The following MCM10 variants were observed in gnomAD, a reference collection of about 807,000 sequenced individuals.
The protein encoded by MCM10 is minichromosome maintenance 10 replication initiation factor.
MCM10 carries 91 observed loss-of-function variants against 109.9 expected under a neutral mutation model. The ratio of observed to expected loss-of-function variants is 0.83; its 90% confidence interval spans 0.70 to 0.99. MCM10 has a LOEUF of 0.99. MCM10 is among the 50% of genes least tolerant of loss of function. The pLI is 0.00. For missense variants in MCM10, 1,077 were observed against 1,061.2 expected, an observed-to-expected ratio of 1.01 and a Z score of -0.21; for synonymous variants, 380 against 387.2, an observed-to-expected ratio of 0.98 and a Z score of 0.22.
At chr10:13,196,248 T>C (rs1006682310) in intron 14 of MCM10, among the ~76,000 whole-genome samples, 9 of 152,140 alleles carry the variant, frequency 5.9e-5, no homozygotes, top group African/African-American at 1.9e-4. Flanking sequence ...TCCAGTCCCA[T>C]GACAGGTGAA....
At chr10:13,205,250 T>A (rs1339368434) in intron 18 of MCM10, among the ~76,000 whole-genome samples, 1 of 152,014 alleles carries the variant, frequency 6.6e-6, no homozygotes, top group Non-Finnish European at 1.5e-5. Flanking sequence ...ATACACATGT[T>A]AGCTTCCATT....
intron 6 of MCM10, 105 bp from the exon 7 acceptor site, chr10:13,180,337 G>A (rs1014129673): frequency 1.2e-6 from 1 of 854,356 alleles, no homozygotes; most frequent in Non-Finnish European, 1.8e-6. Flanking sequence ...CCAAGAACAG[G>A]TACTGTAGAG....
intron 13 of MCM10, among the ~76,000 whole-genome samples, chr10:13,193,538 G>A (rs1340594279): frequency 6.6e-6 from 1 of 152,178 alleles, no homozygotes; most frequent in Non-Finnish European, 1.5e-5. Context: ...CACATGTTGT[G>A]CTCTGGTGCT....
At chr10:13,163,483 G>T (rs1023157754) in intron 1 of MCM10, among the ~76,000 whole-genome samples, 3 of 152,172 alleles carry the variant, frequency 2.0e-5, no homozygotes, top group African/African-American at 7.2e-5. Context: ...GAAAAGAGAA[G>T]TGCACAAAGT....
intron 14 of MCM10, among the ~76,000 whole-genome samples, chr10:13,197,175 A>G (rs773239457): frequency 2.0e-5 from 3 of 152,172 alleles, no homozygotes; most frequent in Non-Finnish European, 4.4e-5. Context: ...CACCTGCTTC[A>G]GCCTCCCAAA....
intron 9 of MCM10, among the ~76,000 whole-genome samples, chr10:13,188,502 C>G (rs1316541859): frequency 3.3e-5 from 5 of 152,120 alleles, no homozygotes; most frequent in African/African-American, 9.7e-5. Flanking sequence ...TGCTTTCTGT[C>G]TCTATGGATT....
At chr10:13,206,806 T>TC (rs1834587881) in intron 18 of MCM10, among the ~76,000 whole-genome samples, 1 of 151,328 alleles carries the variant, frequency 6.6e-6, no homozygotes, top group Non-Finnish European at 1.5e-5. Flanking sequence ...TGCTTTTTTT[T>TC]TTTTCCTTCT....
chr10:13,177,077 T>C (rs1246609353), intron 6 of MCM10, among the ~76,000 whole-genome samples: 4 of 152,226 alleles, frequency 2.6e-5, no homozygotes, highest in African/African-American at 9.6e-5. Context: ...GAGATGCTAC[T>C]GCCTGCCCCA....
At chr10:13,206,356 A>G (rs772199484) in intron 18 of MCM10, among the ~76,000 whole-genome samples, 51 of 152,148 alleles carry the variant, frequency 3.4e-4, no homozygotes, top group Admixed American at 2.2e-3. Flanking sequence ...CTTTCACCAC[A>G]ATGAGTTCTT....
Position 13,185,634 on chromosome 10 carries a change from A to G in MCM10, c.1099-530A>G, listed in dbSNP as rs143972488. Among the ~76,000 whole-genome samples the G allele has an allele frequency of 3.3e-5, 5 of 152,342 alleles. No homozygotes were observed. In the East Asian group the frequency reaches 9.7e-4, roughly 29 times the overall value. On this transcript the variant is annotated intron_variant, in intron 8 of 19. Transcript: ENST00000378714. ...GAGGCTGAGAAGTCAGCCAGCCTAG[A>G]GAAAATCAGGATTCCAATCGCAAAG...
intron 1 of MCM10, 97 bp from the exon 2 acceptor site, chr10:13,164,031 A>C: frequency 2.2e-6 from 1 of 448,898 alleles, no homozygotes; most frequent in South Asian, 4.2e-5. Flanking sequence ...CTGAGGTTAG[A>C]GCCCATAGGA....
chr10:13,171,014 C>G lies in MCM10; in HGVS notation c.100C>G (p.Arg34Gly), dbSNP rs765768942. 6.2e-7 allele frequency: 1 copy of G among 1,614,020 alleles called. No homozygotes were observed. Among genetic ancestry groups the G allele is most frequent in the Non-Finnish European group, 8.5e-7 (1 of 1,180,040 alleles). Residue 34 changes from arginine to glycine, a missense_variant, in exon 3 of 20, where the codon CGG becomes GGG. Transcript: ENST00000378714. ...TTCAGAAGAAAATAACTTCTTGACG[C>G]GGGAAAATGGCGAGCCCGACGCATT... ...CNSEENNFLT[R>G]ENGEPDAFDE...
chr10:13,187,376 A>G (rs748755834), intron 9 of MCM10, among the ~76,000 whole-genome samples: 1 of 152,210 alleles, frequency 6.6e-6, no homozygotes, highest in Non-Finnish European at 1.5e-5. Context: ...TTATTCTTTC[A>G]TCAGTTGATA....
At chr10:13,203,367 G>T (rs117638903) in intron 17 of MCM10, among the ~76,000 whole-genome samples, 6 of 152,176 alleles carry the variant, frequency 3.9e-5, no homozygotes, top group Middle Eastern at 3.4e-3. Flanking sequence ...CCTCTTCCAC[G>T]TTTAAGGGTC....
chr10:13,163,298 C>T (rs1833952132), intron 1 of MCM10, among the ~76,000 whole-genome samples: 1 of 152,136 alleles, frequency 6.6e-6, no homozygotes, highest in Admixed American at 6.5e-5. Flanking sequence ...AATAGCACCA[C>T]TGCACTCCAG....
At chr10:13,186,059 G>A in intron 8 of MCM10, 105 bp from the exon 9 acceptor site, 1 of 682,104 alleles carries the variant, frequency 1.5e-6, no homozygotes, top group South Asian at 1.6e-5. Context: ...ACTGCGCCTG[G>A]CAATAACCTT....
intron 5 of MCM10, among the ~76,000 whole-genome samples, chr10:13,175,053 T>G (rs1366165527): frequency 6.6e-6 from 1 of 151,828 alleles, no homozygotes; most frequent in Non-Finnish European, 1.5e-5. Context: ...GCTTGAACCC[T>G]GGAGGCGGAG....
At chr10:13,204,163 C>A in intron 17 of MCM10, 56 bp from the exon 18 acceptor site, 1 of 1,588,886 alleles carries the variant, frequency 6.3e-7, no homozygotes, top group Admixed American at 1.7e-5. Context: ...TGCAGCTGAG[C>A]ATTTGTCCTC....
At chr10:13,201,345 C>G in intron 16 of MCM10, 76 bp from the exon 17 acceptor site, 2 of 850,238 alleles carry the variant, frequency 2.4e-6, no homozygotes, top group Non-Finnish European at 3.9e-6. Flanking sequence ...GAATAATCAT[C>G]GAGTTACTCT....
Sources: gnomAD v4.1 joint callset for allele counts (sites outside exome capture counted in the v4.1 genomes callset) on GRCh38, gnomAD v4.1.1 for gene constraint, MANE v1.5 for transcripts, NCBI Gene and HGNC (gene_info 2026-07-23, HGNC 2026-07-21) for gene names.